CGNL1: variants seen among roughly 807,000 people sequenced by gnomAD.
The protein encoded by CGNL1 is cingulin-like protein 1.
CGNL1 carries 132 observed loss-of-function variants against 141.2 expected under a neutral mutation model. The ratio of observed to expected loss-of-function variants is 0.93; its 90% CI spans 0.81 to 1.08. The LOEUF (loss-of-function observed/expected upper bound fraction) is 1.08, where lower values mean the gene tolerates loss of function less well. Among genes scored for constraint, CGNL1 ranks in the 50% least tolerant of loss-of-function variants. The pLI, the probability that CGNL1 is intolerant of heterozygous loss-of-function variation, is 0.00. For synonymous variants in CGNL1, 690 were observed against 622.1 expected (o/e 1.11, Z -1.63); for missense variants, 1,870 against 1,588.6 (o/e 1.18, Z -3.01).
intron 8 of CGNL1, among the ~76,000 whole-genome samples, chr15:57,498,968 G>A (rs1466532144): frequency 3.9e-5 from 6 of 152,046 alleles, no homozygotes; most frequent in Non-Finnish European, 5.9e-5. Flanking sequence ...TTATTTTTGC[G>A]TTTATCCTTA....
At chr15:57,516,488 A>G (rs1403153734) in intron 8 of CGNL1, among the ~76,000 whole-genome samples, 9 of 152,196 alleles carry the variant, frequency 5.9e-5, no homozygotes, top group African/African-American at 1.9e-4. Flanking sequence ...TTGTGACACC[A>G]TAGGCTTTGG....
chr15:57,505,625 G>A (rs1314546539), intron 8 of CGNL1, among the ~76,000 whole-genome samples: 4 of 152,196 alleles, frequency 2.6e-5, no homozygotes, highest in Non-Finnish European at 1.5e-5. Flanking sequence ...GGGTACCAGA[G>A]TCAGCCTAAA....
intron 13 of CGNL1, chr15:57,529,024 G>C (rs1247355184): frequency 2.0e-6 from 1 of 497,432 alleles, no homozygotes; most frequent in African/African-American, 1.9e-5. Context: ...AGGAATGATG[G>C]ATATAAATTA....
intron 14 of CGNL1, among the ~76,000 whole-genome samples, chr15:57,538,588 G>A (rs931202763): frequency 1.1e-4 from 16 of 152,166 alleles, no homozygotes; most frequent in African/African-American, 3.6e-4. Context: ...CTCTGCACAG[G>A]GAAGTCTGTT....
At chr15:57,509,761 ATTTC>A (rs1288630321) in intron 8 of CGNL1, among the ~76,000 whole-genome samples, 1 of 152,192 alleles carries the variant, frequency 6.6e-6, no homozygotes, top group African/African-American at 2.4e-5. Context: ...CAATTGTTAT[ATTTC>A]TTTTTTCCTT....
At chr15:57,484,067 C>G (rs1294625056) in intron 8 of CGNL1, among the ~76,000 whole-genome samples, 1 of 151,908 alleles carries the variant, frequency 6.6e-6, no homozygotes, top group African/African-American at 2.4e-5. Flanking sequence ...TCATGTTTTC[C>G]TTTCTTTTAG....
At chr15:57,421,909 T>C (rs1397652684) in intron 1 of CGNL1, among the ~76,000 whole-genome samples, 1 of 152,140 alleles carries the variant, frequency 6.6e-6, no homozygotes, top group Non-Finnish European at 1.5e-5. Flanking sequence ...GAGGCAGATT[T>C]TTCTCTGGGA....
chr15:57,439,282 G>A lies in CGNL1; in HGVS notation c.1283G>A (p.Arg428Gln), dbSNP rs746624847. Reference sequence around the variant, plus strand: ...CGGCCTTCCCAGGTGTGCCCGCAGCGGCCACTGTCTCAGGAGCGCCGTGGG... The same window carrying A: ...CGGCCTTCCCAGGTGTGCCCGCAGCAGCCACTGTCTCAGGAGCGCCGTGGG... ...LLRPSQVCPQRPLSQERRGKQ... is the reference protein window; with the variant it reads ...LLRPSQVCPQQPLSQERRGKQ... The change falls in exon 2 of 19, where the codon CGG (arginine) becomes CAG (glutamine). Residue 428 changes from arginine (R) to glutamine (Q), a missense_variant. Transcript: ENST00000281282. 6.2e-6 allele frequency: 10 copies of A among 1,614,076 alleles called. No homozygotes were observed. Among genetic ancestry groups the A allele is most frequent in the African/African-American group, 1.3e-5 (1 of 75,050 alleles).
intron 8 of CGNL1, among the ~76,000 whole-genome samples, chr15:57,504,573 A>C (rs74016229): frequency 0.028 from 4,226 of 152,300 alleles, 185 homozygotes; most frequent in African/African-American, 0.097. Flanking sequence ...TAACGAAGAA[A>C]AGCTTATTTC....
At chr15:57,397,829 C>G (rs2062619184) in intron 1 of CGNL1, among the ~76,000 whole-genome samples, 1 of 150,876 alleles carries the variant, frequency 6.6e-6, no homozygotes, top group Admixed American at 6.6e-5. Context: ...GTCGCCCATG[C>G]TGGAGTGCAG....
In CGNL1 at chr15:57,481,064, G is replaced by GTTTTTTTTT. The variant is rs11298152; in HGVS notation, c.2403+19186_2403+19194dup. On this transcript the variant is annotated intron_variant, in intron 8 of 18. Coordinates refer to ENST00000281282, the MANE Select transcript of CGNL1 (RefSeq NM_032866.5). The stretch of plus-strand genomic sequence containing the variant: ...GCCAGTGATCCAGGAAAGACCTGGG[G>GTTTTTTTTT]TTTTTTTTTTTTTTTTTTTTTTAAA... Among the ~76,000 whole-genome samples, 810 of 115,956 alleles carry GTTTTTTTTT rather than the reference G, an allele frequency of 7.0e-3. 5 individuals carry two copies. The highest frequency in any genetic ancestry group is 1.0e-2 in the Non-Finnish European group (568 of 57,008). 76.1% of individuals were successfully genotyped at this position (115,956 alleles called of 152,430 possible).
intron 14 of CGNL1, 56 bp downstream of exon 14, chr15:57,531,835 A>C: frequency 8.7e-7 from 1 of 1,145,042 alleles, no homozygotes; most frequent in Non-Finnish European, 1.3e-6. Flanking sequence ...AAGGAACATG[A>C]GGGGTTAATC....
chr15:57,415,944 T>G (rs2062843679), intron 1 of CGNL1, among the ~76,000 whole-genome samples: 1 of 152,178 alleles, frequency 6.6e-6, no homozygotes, highest in South Asian at 2.1e-4. Context: ...TCCCTGAGTT[T>G]CCCTTTGCCG....
chr15:57,450,464 A>T (rs931859682), intron 4 of CGNL1, among the ~76,000 whole-genome samples: 34 of 152,256 alleles, frequency 2.2e-4, no homozygotes, highest in Middle Eastern at 6.8e-3. Context: ...TTTAGCAGAG[A>T]TGGGGTTTCA....
intron 13 of CGNL1, among the ~76,000 whole-genome samples, chr15:57,529,613 C>G (rs892589335): frequency 1.6e-4 from 24 of 147,742 alleles, no homozygotes; most frequent in Non-Finnish European, 3.3e-4. Flanking sequence ...CACACACGCC[C>G]CAGTAGAATT....
chr15:57,531,862 G>A, intron 14 of CGNL1, 83 bp downstream of exon 14: 1 of 834,170 alleles, frequency 1.2e-6, no homozygotes, highest in Non-Finnish European at 2.0e-6. Context: ...CTTCAGTTAA[G>A]TCCAGGAGAG....
chr15:57,419,470 A>G (rs1178197025), intron 1 of CGNL1, among the ~76,000 whole-genome samples: 2 of 152,172 alleles, frequency 1.3e-5, no homozygotes, highest in African/African-American at 2.4e-5. Flanking sequence ...GATCCCATCC[A>G]GGATACTACA....
At chr15:57,462,485 G>A (rs1285173430) in intron 8 of CGNL1, among the ~76,000 whole-genome samples, 1 of 152,188 alleles carries the variant, frequency 6.6e-6, no homozygotes, top group Non-Finnish European at 1.5e-5. Context: ...TGGGGCAGAC[G>A]TCATACTGGC....
chr15:57,461,678 A>G lies in CGNL1; in HGVS notation c.2191-2A>G. On this transcript the variant is annotated splice_acceptor_variant, in intron 7 of 18. Transcript: ENST00000281282. LOFTEE classifies it high-confidence loss of function. ...TTCTCCCTTCGTGTTTCCTCTCTCT[A>G]GGAGCTCTTACAGGCAAAACAGGAT... is the stretch of plus-strand genomic sequence containing the variant. 1 of 1,613,388 alleles carries G rather than the reference A, an allele frequency of 6.2e-7. No homozygotes were observed. Among genetic ancestry groups the G allele is most frequent in the Non-Finnish European group, 8.5e-7 (1 of 1,179,372 alleles).
Sources: allele counts gnomAD v4.1 joint callset (sites outside exome capture counted in the v4.1 genomes callset), GRCh38; gene constraint gnomAD v4.1.1; transcripts MANE v1.5; gene names NCBI Gene and HGNC (gene_info 2026-07-23, HGNC 2026-07-21).